The following FHOD3 variants were observed in gnomAD, a reference collection of about 807,000 sequenced individuals.
FHOD3 encodes the protein formin homology 2 domain containing 3.
A neutral mutation model predicts 173.0 loss-of-function variants in FHOD3; 90 were observed. That is an observed-to-expected ratio of 0.52 (90% CI 0.44 to 0.62). The LOEUF (loss-of-function observed/expected upper bound fraction) is 0.62. Among genes scored for constraint, FHOD3 ranks in the 20% least tolerant of loss-of-function variants. FHOD3 has a pLI of 0.00. For missense variants in FHOD3, 1,945 were observed against 2,034.7 expected, an observed-to-expected ratio of 0.96 and a Z score of 0.85; for synonymous variants, 828 against 823.0, an observed-to-expected ratio of 1.01 and a Z score of -0.10.
At chr18:36,352,149 C>T (rs925523555) in intron 1 of FHOD3, among the ~76,000 whole-genome samples, 2 of 152,012 alleles carry the variant, frequency 1.3e-5, no homozygotes, top group South Asian at 2.1e-4. Flanking sequence ...CAATGGTTCA[C>T]ATCTGTAATC....
At chr18:36,399,806 A>G (rs148533109) in intron 3 of FHOD3, among the ~76,000 whole-genome samples, 26 of 152,328 alleles carry the variant, frequency 1.7e-4, no homozygotes, top group African/African-American at 6.3e-4. Context: ...CGCCAGGAAG[A>G]TGCTCTGAGC....
chr18:36,377,851 A>G (rs1269699929), intron 3 of FHOD3, among the ~76,000 whole-genome samples: 2 of 151,994 alleles, frequency 1.3e-5, no homozygotes, highest in Admixed American at 6.6e-5. Flanking sequence ...CCCTGCTTTC[A>G]TTGACTCCAG....
chr18:36,697,201 CAGAAT>C (rs1450354684), intron 17 of FHOD3, among the ~76,000 whole-genome samples: 1 of 152,136 alleles, frequency 6.6e-6, no homozygotes, highest in East Asian at 1.9e-4. Context: ...TTCATGGAAA[CAGAAT>C]AGAGAGAAAC....
chr18:36,352,596 T>A (rs2046182282), intron 1 of FHOD3, among the ~76,000 whole-genome samples: 1 of 152,212 alleles, frequency 6.6e-6, no homozygotes, highest in Non-Finnish European at 1.5e-5. Flanking sequence ...TTGCTCTTCG[T>A]TCTCTCCCTC....
At chr18:36,540,402 A>T (rs2057162401) in intron 5 of FHOD3, among the ~76,000 whole-genome samples, 1 of 152,210 alleles carries the variant, frequency 6.6e-6, no homozygotes, top group Non-Finnish European at 1.5e-5. Flanking sequence ...TGTGTCTAGA[A>T]GGTGGGCTTG....
At chr18:36,491,008 C>T (rs1293544235) in intron 3 of FHOD3, among the ~76,000 whole-genome samples, 2 of 152,190 alleles carry the variant, frequency 1.3e-5, no homozygotes, top group African/African-American at 4.8e-5. Context: ...CACCAGGCAC[C>T]TACCCCAGCC....
intron 8 of FHOD3, among the ~76,000 whole-genome samples, chr18:36,603,987 C>T (rs2031755216): frequency 1.3e-5 from 2 of 152,148 alleles, no homozygotes; most frequent in South Asian, 4.1e-4. Flanking sequence ...GTGATGGTGA[C>T]CACACCTCTT....
intron 3 of FHOD3, among the ~76,000 whole-genome samples, chr18:36,499,209 T>G (rs1403760595): frequency 6.6e-6 from 1 of 152,148 alleles, no homozygotes; most frequent in Non-Finnish European, 1.5e-5. Context: ...GTTCACGAGA[T>G]TCTTCTGTCT....
At chr18:36,682,731 A>C (rs2038335899) in intron 15 of FHOD3, among the ~76,000 whole-genome samples, 1 of 152,086 alleles carries the variant, frequency 6.6e-6, no homozygotes, top group Non-Finnish European at 1.5e-5. Flanking sequence ...TACAGGCCAC[A>C]CCACCACGCC....
intron 17 of FHOD3, among the ~76,000 whole-genome samples, chr18:36,707,632 GC>G (rs1056520428): frequency 3.0e-4 from 45 of 152,278 alleles, no homozygotes; most frequent in African/African-American, 7.2e-4. Context: ...GGTTAGCTGG[GC>G]CCCCTGCCTA....
At chr18:36,371,701 T>C (rs1020166205) in intron 2 of FHOD3, among the ~76,000 whole-genome samples, 1 of 152,196 alleles carries the variant, frequency 6.6e-6, no homozygotes, top group Non-Finnish European at 1.5e-5. Flanking sequence ...ATCACAGTAT[T>C]AGTAGCGTGC....
intron 1 of FHOD3, among the ~76,000 whole-genome samples, chr18:36,313,862 G>T (rs1043133005): frequency 1.3e-5 from 2 of 151,600 alleles, no homozygotes; most frequent in Non-Finnish European, 2.9e-5. Context: ...TATTTGGCAA[G>T]TTATCCTTTG....
At chr18:36,311,344 A>G (rs2092252956) in intron 1 of FHOD3, among the ~76,000 whole-genome samples, 1 of 152,068 alleles carries the variant, frequency 6.6e-6, no homozygotes, top group Non-Finnish European at 1.5e-5. Context: ...CCTCCCTTTC[A>G]CAGATGTTCT....
chr18:36,453,018 G>A (rs551185004), intron 3 of FHOD3, among the ~76,000 whole-genome samples: 1 of 151,936 alleles, frequency 6.6e-6, no homozygotes, highest in East Asian at 1.9e-4. Flanking sequence ...ATCTCTTTGA[G>A]GTCCAGCTTT....
intron 3 of FHOD3, among the ~76,000 whole-genome samples, chr18:36,433,296 C>T (rs2050649322): frequency 6.6e-6 from 1 of 152,138 alleles, no homozygotes; most frequent in South Asian, 2.1e-4. Flanking sequence ...GTCTACCATA[C>T]TCCTGTAAAC....
At chr18:36,566,978 T>C (rs74869923) in intron 5 of FHOD3, among the ~76,000 whole-genome samples, 175 of 152,330 alleles carry the variant, frequency 1.1e-3, no homozygotes, top group African/African-American at 3.8e-3. Context: ...TATGCATTAC[T>C]GGTCTTATTA....
intron 24 of FHOD3, among the ~76,000 whole-genome samples, chr18:36,747,615 A>G (rs1292792918): frequency 6.6e-6 from 1 of 152,222 alleles, no homozygotes; most frequent in African/African-American, 2.4e-5. Context: ...AAGCTCCATC[A>G]CAGCACTGTC....
chr18:36,736,561 G>C (rs1429381584), intron 20 of FHOD3, among the ~76,000 whole-genome samples: 1 of 152,180 alleles, frequency 6.6e-6, no homozygotes, highest in African/African-American at 2.4e-5. Flanking sequence ...CCAGAGTCTG[G>C]CCATCCCCAG....
At chr18:36,733,046 G>A (rs1318003532) in intron 20 of FHOD3, among the ~76,000 whole-genome samples, 1 of 152,110 alleles carries the variant, frequency 6.6e-6, no homozygotes, top group Non-Finnish European at 1.5e-5. Context: ...TAACATTGCC[G>A]ACCTCCCAGT....
Sources: allele counts gnomAD v4.1 joint callset (sites outside exome capture counted in the v4.1 genomes callset), GRCh38; gene constraint gnomAD v4.1.1; transcripts MANE v1.5; gene names NCBI Gene and HGNC (gene_info 2026-07-23, HGNC 2026-07-21).